The following SETBP1 variants were observed in gnomAD, a reference collection of about 807,000 sequenced individuals.
The protein encoded by SETBP1 is SET-binding protein.
Under a neutral mutation model 101.0 loss-of-function variants are expected in SETBP1, and 9 were observed. That is an observed-to-expected ratio of 0.09 (90% CI 0.05 to 0.16). The LOEUF (loss-of-function observed/expected upper bound fraction) is 0.16. Ranked by LOEUF, SETBP1 falls within the 10% of genes least tolerant of loss-of-function variation. The pLI is 1.00. For synonymous variants in SETBP1, 818 were observed against 788.5 expected (o/e 1.04, Z -0.63); for missense variants, 1,858 against 2,033.8 (o/e 0.91, Z 1.66).
chr18:44,870,535 C>G (rs1425609852), intron 3 of SETBP1: 2 of 152,148 alleles, frequency 1.3e-5, no homozygotes, highest in East Asian at 3.8e-4. Flanking sequence ...GGCCAGTAAG[C>G]CTTTTTTGTC....
intron 4 of SETBP1, among the ~76,000 whole-genome samples, chr18:44,962,262 C>T (rs772155809): frequency 6.6e-6 from 1 of 152,180 alleles, no homozygotes; most frequent in Non-Finnish European, 1.5e-5. Context: ...AGTAGGTTCA[C>T]AGTGAGTGCT....
At chr18:44,859,841 G>T (rs1196389192) in intron 2 of SETBP1, among the ~76,000 whole-genome samples, 1 of 152,154 alleles carries the variant, frequency 6.6e-6, no homozygotes, top group Non-Finnish European at 1.5e-5. Context: ...CAACTACAAG[G>T]TTCAGTTCAT....
chr18:44,798,623 C>T (rs1280690396), intron 2 of SETBP1, among the ~76,000 whole-genome samples: 7 of 152,090 alleles, frequency 4.6e-5, no homozygotes, highest in African/African-American at 1.2e-4. Context: ...ATCATTTTTC[C>T]GGCAACAGGG....
At chr18:45,016,735 A>G (rs151019755) in intron 4 of SETBP1, among the ~76,000 whole-genome samples, 5,742 of 81,190 alleles carry the variant, frequency 0.071, 130 homozygotes, top group African/African-American at 0.13. Context: ...GTGCGCGCAC[A>G]CACACACACA....
chr18:44,897,110 C>T (rs763271171), intron 3 of SETBP1, among the ~76,000 whole-genome samples: 28 of 152,120 alleles, frequency 1.8e-4, no homozygotes, highest in Non-Finnish European at 3.4e-4. Context: ...CAGAAAAGCA[C>T]GATAGAGGTT....
rs1276342931 is a variant in SETBP1 at position 44,950,229 on chromosome 18, A to G, written c.889A>G (p.Ser297Gly). The G allele has an allele frequency of 1.5e-5, 24 of 1,613,868 alleles. No homozygotes were observed. The highest frequency in any genetic ancestry group is 2.0e-5 in the Non-Finnish European group (24 of 1,180,032). ...GGVAPSPSSH[S>G]SPAPPSSSAE... Reference sequence around the variant, plus strand: ...TGTGGCTCCATCCCCAAGCAGCCACAGCTCACCAGCCCCACCCAGCAGCTC... The same window carrying G: ...TGTGGCTCCATCCCCAAGCAGCCACGGCTCACCAGCCCCACCCAGCAGCTC... The change falls in exon 4 of 6, where the codon AGC becomes GGC. Residue 297 changes from serine to glycine, a missense_variant. By Grantham distance (56) the Ser-to-Gly change is moderately conservative. Transcript: ENST00000649279.
chr18:44,710,875 T>G (rs2069323701), intron 2 of SETBP1, among the ~76,000 whole-genome samples: 1 of 152,170 alleles, frequency 6.6e-6, no homozygotes, highest in Non-Finnish European at 1.5e-5. Context: ...AGGTTGGCAC[T>G]AAGGCTCTGA....
intron 2 of SETBP1, among the ~76,000 whole-genome samples, chr18:44,867,595 T>C (rs1198939691): frequency 6.6e-6 from 1 of 152,204 alleles, no homozygotes. Context: ...TCACCCTTAG[T>C]TCCTAGTAAG....
intron 2 of SETBP1, among the ~76,000 whole-genome samples, chr18:44,798,456 C>T (rs935656299): frequency 6.6e-6 from 1 of 152,130 alleles, no homozygotes; most frequent in Non-Finnish European, 1.5e-5. Context: ...AATCCTTCCA[C>T]CTAAGTGAAG....
At chr18:44,774,495 C>CT (rs1241551211) in intron 2 of SETBP1, among the ~76,000 whole-genome samples, 1 of 152,050 alleles carries the variant, frequency 6.6e-6, no homozygotes, top group Non-Finnish European at 1.5e-5. Context: ...TTTATCCCTC[C>CT]TAGCATGAGC....
chr18:45,060,683 TTAA>T (rs1185586837), intron 5 of SETBP1, among the ~76,000 whole-genome samples: 21 of 152,252 alleles, frequency 1.4e-4, no homozygotes, highest in Admixed American at 2.6e-4. Flanking sequence ...ATGCAAAGAC[TTAA>T]TAAATTATTC....
chr18:44,806,230 A>T (rs751576934), intron 2 of SETBP1, among the ~76,000 whole-genome samples: 1 of 152,198 alleles, frequency 6.6e-6, no homozygotes. Flanking sequence ...TATTTTTAAA[A>T]AATCTGTTTT....
chr18:44,849,669 T>TGAGAGA (rs3085859), intron 2 of SETBP1, among the ~76,000 whole-genome samples: 9 of 148,506 alleles, frequency 6.1e-5, no homozygotes, highest in South Asian at 2.2e-4. Flanking sequence ...AGCACTGGGA[T>TGAGAGA]GAGAGAGAGA....
At chr18:45,008,856 G>A (rs2072781088) in intron 4 of SETBP1, among the ~76,000 whole-genome samples, 1 of 152,196 alleles carries the variant, frequency 6.6e-6, no homozygotes, top group African/African-American at 2.4e-5. Flanking sequence ...TCTCTCTGCT[G>A]TCTAGGTTGG....
chr18:44,949,895 C>G lies in SETBP1; in HGVS notation c.555C>G (p.Pro185=), dbSNP rs2071295023. 1.9e-6 allele frequency: 3 copies of G among 1,613,410 alleles called. No homozygotes were observed. Among genetic ancestry groups the G allele is most frequent in the Non-Finnish European group, 2.5e-6 (3 of 1,180,012 alleles). The change falls in exon 4 of 6, where the codon CCC becomes CCG. Residue 185 remains proline (P), a synonymous_variant. Transcript: ENST00000649279. ...KGFQPQAYER[P]QKHSTLHYDT... ...CCCACCCTTAGGCTTACGAGAGGCC[C>G]CAGAAACATTCAACTCTCCATTATG... is the stretch of plus-strand genomic sequence containing the variant.
chr18:44,736,860 T>G (rs2069979720), intron 2 of SETBP1, among the ~76,000 whole-genome samples: 2 of 152,172 alleles, frequency 1.3e-5, no homozygotes, highest in Admixed American at 1.3e-4. Flanking sequence ...TATCTGGAAG[T>G]GTTTCATAAA....
intron 2 of SETBP1, among the ~76,000 whole-genome samples, chr18:44,710,324 G>C (rs1274688947): frequency 1.3e-5 from 2 of 152,116 alleles, no homozygotes; most frequent in African/African-American, 4.8e-5. Flanking sequence ...ACTGGGAACC[G>C]CTAAGGATAG....
chr18:44,909,003 T>G (rs1208710084), intron 3 of SETBP1, among the ~76,000 whole-genome samples: 1 of 152,232 alleles, frequency 6.6e-6, no homozygotes, highest in Admixed American at 6.5e-5. Context: ...CTGGACTCAC[T>G]GAAAACTGTG....
At chr18:44,771,676 G>A (rs538584542) in intron 2 of SETBP1, among the ~76,000 whole-genome samples, 82 of 152,248 alleles carry the variant, frequency 5.4e-4, no homozygotes, top group Admixed American at 5.0e-3. Context: ...GAGGGACCAC[G>A]TTATGCCTGG....
Sources: allele counts gnomAD v4.1 joint callset (sites outside exome capture counted in the v4.1 genomes callset), GRCh38; gene constraint gnomAD v4.1.1; transcripts MANE v1.5; gene names NCBI Gene and HGNC (gene_info 2026-07-23, HGNC 2026-07-21).